The following NME9 variants were observed in gnomAD, a reference collection of about 807,000 sequenced individuals.
The protein encoded by NME9 is NME/NM23 family member 9, also known as thioredoxin domain-containing protein 6.
A neutral mutation model predicts 44.4 loss-of-function variants in NME9; 48 were observed. The observed-to-expected ratio is 1.08, with a 90% CI of 0.86 to 1.37. NME9 has a LOEUF of 1.37. NME9 is among the 40% of genes most tolerant of loss of function. The pLI, the probability that NME9 is intolerant of heterozygous loss-of-function variation, is 0.00. For missense variants in NME9, 325 were observed against 405.2 expected, an observed-to-expected ratio of 0.80 and a Z score of 1.70; for synonymous variants, 139 against 147.1, an observed-to-expected ratio of 0.94 and a Z score of 0.40.
At chr3:138,315,426 C>A in intron 5 of NME9, 101 bp downstream of exon 5, 1 of 751,942 alleles carries the variant, frequency 1.3e-6, no homozygotes, top group Non-Finnish European at 2.2e-6. Context: ...AGCTGTCCAC[C>A]GACAGCTCCA....
At chr3:138,273,195 C>G in intron 8 of NME9, 1 of 1,383,088 alleles carries the variant, frequency 7.2e-7, no homozygotes, top group South Asian at 1.5e-5. Flanking sequence ...TCTGTGCTCT[C>G]ATTAACATCT....
chr3:138,300,684 G>C (rs925421788), downstream of NME9, among the ~76,000 whole-genome samples: 6 of 152,224 alleles, frequency 3.9e-5, no homozygotes, highest in Admixed American at 2.6e-4. Context: ...GGAGCTCTCA[G>C]CTTTTAAATT....
downstream of NME9, among the ~76,000 whole-genome samples, chr3:138,299,990 C>T (rs764477305): frequency 3.3e-5 from 5 of 152,144 alleles, no homozygotes; most frequent in Non-Finnish European, 7.3e-5. Flanking sequence ...TTCTCCAAGT[C>T]GTTTGCCACT....
chr3:138,306,325 A>C, intron 7 of NME9, 73 bp downstream of exon 7: 1 of 1,126,808 alleles, frequency 8.9e-7, no homozygotes, highest in Non-Finnish European at 1.4e-6. Context: ...ATCACTGCCC[A>C]GTGCCCCATC....
At chr3:138,300,996 T>C (rs374859601), downstream of NME9, 9 of 934,602 alleles carry the variant, frequency 9.6e-6, no homozygotes, top group African/African-American at 1.4e-4. Context: ...AGTTCTAAAA[T>C]TGTTTAATTC....
chr3:138,296,107 G>GT (rs900005790), downstream of NME9: 3,601 of 462,190 alleles, frequency 7.8e-3, no homozygotes, highest in South Asian at 9.6e-3. Flanking sequence ...TTTTGTTTTG[G>GT]TTTTTTTTTC....
chr3:138,328,024 C>T (rs2108472171), intron 1 of NME9, among the ~76,000 whole-genome samples: 1 of 152,188 alleles, frequency 6.6e-6, no homozygotes, highest in African/African-American at 2.4e-5. Flanking sequence ...AGGTATCATC[C>T]CTCCTGTCTA....
At chr3:138,320,132 C>A (rs1420445413) in intron 2 of NME9, among the ~76,000 whole-genome samples, 1 of 152,166 alleles carries the variant, frequency 6.6e-6, no homozygotes, top group Non-Finnish European at 1.5e-5. Context: ...TAGAGAGAAA[C>A]TTGGATACCT....
intron 8 of NME9, among the ~76,000 whole-genome samples, chr3:138,267,617 C>T (rs975354104): frequency 6.6e-6 from 1 of 152,100 alleles, no homozygotes; most frequent in Non-Finnish European, 1.5e-5. Context: ...TAAATCATTT[C>T]AAGGACATAA....
chr3:138,299,142 CCT>C (rs2108420528), downstream of NME9, among the ~76,000 whole-genome samples: 1 of 152,244 alleles, frequency 6.6e-6, no homozygotes, highest in African/African-American at 2.4e-5. Flanking sequence ...CTGCCCCTTG[CCT>C]GTTTACTGGG....
intron 8 of NME9, chr3:138,273,045 T>C: frequency 1.2e-6 from 2 of 1,613,656 alleles, no homozygotes. Flanking sequence ...ATTCCGGTTA[T>C]TATCAGATTC....
chr3:138,284,591 A>G, intron 8 of NME9: 1 of 1,199,958 alleles, frequency 8.3e-7, no homozygotes, highest in Non-Finnish European at 1.2e-6. Context: ...TTAACTCAAA[A>G]TAAATTGTGC....
At chr3:138,320,496 AAT>A (rs2053396453) in intron 2 of NME9, among the ~76,000 whole-genome samples, 1 of 152,268 alleles carries the variant, frequency 6.6e-6, no homozygotes, top group South Asian at 2.1e-4. Context: ...TGCCAATTTT[AAT>A]AGTGTGCAAT....
chr3:138,306,793 A>C (rs190006001), intron 6 of NME9, among the ~76,000 whole-genome samples: 1 of 152,234 alleles, frequency 6.6e-6, no homozygotes, highest in African/African-American at 2.4e-5. Flanking sequence ...GGGATTGCTC[A>C]AAGACTGCTT....
intron 8 of NME9, among the ~76,000 whole-genome samples, chr3:138,281,485 G>T (rs1046953230): frequency 2.0e-5 from 3 of 151,976 alleles, no homozygotes; most frequent in African/African-American, 7.3e-5. Context: ...TAGAGATGGG[G>T]TTTCACCATA....
chr3:138,290,470 T>C (rs2050830632), intron 8 of NME9: 5 of 1,091,042 alleles, frequency 4.6e-6, no homozygotes, highest in Non-Finnish European at 6.8e-6. Context: ...CTGGTAAGGC[T>C]CTAGATTGTT....
chr3:138,295,923 C>T, intron 8 of NME9: 1 of 1,611,010 alleles, frequency 6.2e-7, no homozygotes, highest in Non-Finnish European at 8.5e-7. Flanking sequence ...TGCGAGCATC[C>T]CACCTCCTTG....
chr3:138,319,410 C>G, intron 3 of NME9, 68 bp downstream of exon 3: 1 of 919,566 alleles, frequency 1.1e-6, no homozygotes, highest in Non-Finnish European at 1.8e-6. Flanking sequence ...CTTCTCCTTC[C>G]TGACTCTTTT....
intron 8 of NME9, among the ~76,000 whole-genome samples, chr3:138,265,308 A>G (rs1293951863): frequency 6.6e-6 from 1 of 152,202 alleles, no homozygotes; most frequent in Admixed American, 6.5e-5. Context: ...GACTTAGAGC[A>G]TGTATCAAGT....
Sources: gnomAD v4.1 joint callset for allele counts (sites outside exome capture counted in the v4.1 genomes callset) on GRCh38, gnomAD v4.1.1 for gene constraint, MANE v1.5 for transcripts, NCBI Gene and HGNC (gene_info 2026-07-23, HGNC 2026-07-21) for gene names.